TACC1: variants seen among roughly 807,000 people sequenced by gnomAD.
The protein encoded by TACC1 is transforming acidic coiled-coil-containing protein 1.
Under a neutral mutation model 84.4 loss-of-function variants are expected in TACC1, and 48 were observed. The observed-to-expected ratio is 0.57, with a 90% CI of 0.45 to 0.72. The LOEUF is 0.72. Ranked by LOEUF, TACC1 falls within the 30% of genes least tolerant of loss-of-function variation. The pLI is 0.00. For missense variants in TACC1, 920 were observed against 973.0 expected (o/e 0.95, Z 0.72); for synonymous variants, 372 against 376.3 (o/e 0.99, Z 0.13).
upstream of TACC1, among the ~76,000 whole-genome samples, chr8:38,786,924 TA>T (rs912167197): frequency 1.3e-5 from 2 of 151,960 alleles, no homozygotes; most frequent in African/African-American, 2.4e-5. Context: ...AAAAAAATTT[TA>T]AAAAGGAATA....
intron 2 of TACC1, chr8:38,742,515 C>A: frequency 8.2e-7 from 1 of 1,217,998 alleles, no homozygotes; most frequent in Non-Finnish European, 1.1e-6. Context: ...TTTTTATTTC[C>A]TAGTGAAAAA....
chr8:38,803,362 A>C (rs564830905), intron 2 of TACC1, among the ~76,000 whole-genome samples: 3 of 152,236 alleles, frequency 2.0e-5, no homozygotes, highest in Non-Finnish European at 4.4e-5. Context: ...GGGTGAAAAC[A>C]TTCAGTCTTT....
At position 38,851,835 on chromosome 8, in the gene TACC1, C is replaced by T. The variant is rs1320099370; in HGVS notation, c.*3812C>T. Reference sequence around the variant, plus strand: ...TTTGCTTATGAAAGAACAATATAGTCTGGGAATCCCAGAATGTCAAGCCAA... The same window carrying T: ...TTTGCTTATGAAAGAACAATATAGTTTGGGAATCCCAGAATGTCAAGCCAA... On this transcript the variant is annotated 3_prime_UTR_variant, in exon 13 of 13. Transcript: ENST00000317827. 1 of 439,196 alleles carries T rather than the reference C, an allele frequency of 2.3e-6. No homozygotes were observed. Among genetic ancestry groups the T allele is most frequent in the Non-Finnish European group, 4.6e-6 (1 of 218,176 alleles). The allele number at this position is 439,196 out of a possible 1,614,324, so 27.2% of individuals were successfully genotyped here. A position where few individuals can be genotyped will look rare whatever the true frequency, so the allele number is the denominator to read the frequency against.
chr8:38,827,338 G>A lies in TACC1; in HGVS notation c.1623G>A (p.Val541=), dbSNP rs1201746480. 2.5e-6 allele frequency: 4 copies of A among 1,614,188 alleles called. No individual in the cohort carries two copies. Among genetic ancestry groups the A allele is most frequent in the Non-Finnish European group, 8.5e-7 (1 of 1,180,032 alleles). ...ACTTTGAATGTTCCAATGTTCCTGT[G>A]TCTACCATAAATCATGCGTTTTCAT... ...LEYFECSNVP[V]STINHAFSSS... Residue 541 remains valine, a synonymous_variant, in exon 5 of 13, where the codon GTG becomes GTA. Coordinates refer to ENST00000317827, the MANE Select transcript of TACC1 (RefSeq NM_006283.3).
intron 9 of TACC1, among the ~76,000 whole-genome samples, chr8:38,841,851 T>G (rs1169882466): frequency 6.6e-6 from 1 of 152,208 alleles, no homozygotes; most frequent in Non-Finnish European, 1.5e-5. Flanking sequence ...ATCTATATCA[T>G]AAGGATTGAC....
intron 10 of TACC1, 21 bp from the exon 11 acceptor site, chr8:38,843,268 T>G (rs750814400): frequency 5.9e-6 from 9 of 1,525,336 alleles, no homozygotes; most frequent in Non-Finnish European, 5.3e-6. Context: ...CTGTTTATTT[T>G]CAATTTTTGC....
Position 38,758,634 on chromosome 8 carries a change from G to T in TACC1, c.26+13141G>T, listed in dbSNP as rs1056278490. ...GCGGAGGTTGTGGTGAGCCAAGATC[G>T]GGCCACTGCACTCCAGCCTGGGCGA... is the stretch of plus-strand genomic sequence containing the variant. On this transcript the variant is annotated intron_variant, in intron 3 of 14. Coordinates refer to the TACC1 transcript ENST00000518415. Among the ~76,000 whole-genome samples, 170 of 145,168 alleles carry T rather than the reference G, an allele frequency of 1.2e-3. 1 individual carries two copies. Among genetic ancestry groups the T allele is most frequent in the African/African-American group, 3.8e-3 (148 of 38,992 alleles).
chr8:38,745,398 G>T, exon 3 of TACC1: 1 of 630,762 alleles, frequency 1.6e-6, no homozygotes, highest in Non-Finnish European at 2.8e-6. Flanking sequence ...CCCAAATTAT[G>T]GGACATATTT....
At chr8:38,746,794 T>C (rs767904644) in intron 3 of TACC1, among the ~76,000 whole-genome samples, 1 of 152,216 alleles carries the variant, frequency 6.6e-6, no homozygotes. Context: ...ATAAATCAAC[T>C]ATTAAACAGT....
At chr8:38,846,598 CTG>C in intron 11 of TACC1, 99 bp from the exon 12 acceptor site, 1 of 1,385,754 alleles carries the variant, frequency 7.2e-7, no homozygotes, top group Non-Finnish European at 9.8e-7. Flanking sequence ...TCTTTGAGGC[CTG>C]TGCCTCACAG....
chr8:38,788,906 A>T, intron 2 of TACC1, 87 bp downstream of exon 2: 1 of 1,092,430 alleles, frequency 9.2e-7, no homozygotes, highest in Middle Eastern at 2.6e-4. Flanking sequence ...GTGTAAATTT[A>T]GGACCATTTA....
intron 2 of TACC1, among the ~76,000 whole-genome samples, chr8:38,814,278 T>G (rs1305682298): frequency 1.3e-5 from 2 of 152,220 alleles, no homozygotes; most frequent in East Asian, 3.8e-4. Flanking sequence ...TCTGATAGTT[T>G]CAGGGTCAGA....
At chr8:38,846,597 C>G in intron 11 of TACC1, 102 bp from the exon 12 acceptor site, 2 of 1,384,024 alleles carry the variant, frequency 1.4e-6, no homozygotes, top group Non-Finnish European at 2.0e-6. Flanking sequence ...TTCTTTGAGG[C>G]CTGTGCCTCA....
chr8:38,808,222 G>A (rs1238991155), intron 2 of TACC1, among the ~76,000 whole-genome samples: 1 of 152,172 alleles, frequency 6.6e-6, no homozygotes, highest in Non-Finnish European at 1.5e-5. Flanking sequence ...CAGGATTTCT[G>A]TAAAAATGGA....
intron 3 of TACC1, among the ~76,000 whole-genome samples, chr8:38,822,142 G>A (rs1388078279): frequency 1.3e-5 from 2 of 151,682 alleles, no homozygotes; most frequent in Non-Finnish European, 2.9e-5. Flanking sequence ...CTACTCAGGA[G>A]GTTGAGGCAG....
chr8:38,822,344 A>G (rs1334077942), intron 3 of TACC1, among the ~76,000 whole-genome samples: 1 of 152,116 alleles, frequency 6.6e-6, no homozygotes, highest in African/African-American at 2.4e-5. Flanking sequence ...TACAGTAAAA[A>G]TATAGTATAA....
intron 5 of TACC1, among the ~76,000 whole-genome samples, chr8:38,829,632 A>G (rs897034468): frequency 8.5e-5 from 13 of 152,220 alleles, no homozygotes; most frequent in African/African-American, 2.9e-4. Flanking sequence ...ACTACCACTC[A>G]TCTTTGAGTC....
chr8:38,800,050 G>A lies in TACC1; in HGVS notation c.277+11231G>A, dbSNP rs532447226. ...ATGGCTTGTGCCTTTAGTCCCAGCT[G>A]CTCAGAAGGCTAAGGTGGGAGGATC... On this transcript the variant is annotated intron_variant, in intron 2 of 12. Transcript: ENST00000317827. Among the ~76,000 whole-genome samples the A allele has an allele frequency of 5.3e-5, 8 of 152,278 alleles. No individual in the cohort carries two copies. In the South Asian group the frequency reaches 1.4e-3, roughly 28 times the overall value.
intron 2 of TACC1, among the ~76,000 whole-genome samples, chr8:38,805,233 C>G (rs1176379685): frequency 3.9e-5 from 6 of 152,240 alleles, no homozygotes; most frequent in Admixed American, 1.3e-4. Flanking sequence ...TATCTGCATT[C>G]CCACCTCTTC....
Sources: allele counts gnomAD v4.1 joint callset (sites outside exome capture counted in the v4.1 genomes callset), GRCh38; gene constraint gnomAD v4.1.1; transcripts MANE v1.5; gene names NCBI Gene and HGNC (gene_info 2026-07-23, HGNC 2026-07-21).